ADGRB3: variants seen among roughly 807,000 people sequenced by gnomAD.
ADGRB3 encodes the protein adhesion G protein-coupled receptor B3.
In ADGRB3, 37 loss-of-function variants were observed where a neutral mutation model predicts 193.4. That is an observed-to-expected ratio of 0.19 (90% CI 0.15 to 0.25). The LOEUF is 0.25. Ranked by LOEUF, ADGRB3 falls within the 10% of genes least tolerant of loss-of-function variation. The probability of loss-of-function intolerance (pLI) is 1.00; values close to 1 mark genes in which losing one functional copy is unlikely to be tolerated. For missense variants in ADGRB3, 1,637 were observed against 1,852.9 expected (o/e 0.88, Z 2.14); for synonymous variants, 690 against 644.2 (o/e 1.07, Z -1.08).
At chr6:68,671,774 C>A (rs976571850) in intron 3 of ADGRB3, among the ~76,000 whole-genome samples, 1 of 152,050 alleles carries the variant, frequency 6.6e-6, no homozygotes. Flanking sequence ...GTAATACTGG[C>A]CACATAGAAT....
At chr6:68,686,521 T>C (rs1231333534) in intron 3 of ADGRB3, among the ~76,000 whole-genome samples, 2 of 152,208 alleles carry the variant, frequency 1.3e-5, no homozygotes, top group Non-Finnish European at 2.9e-5. Flanking sequence ...ATCCTGATCC[T>C]ACTTGTTTAA....
chr6:69,174,632 G>A (rs923401737), intron 17 of ADGRB3, among the ~76,000 whole-genome samples: 1 of 152,172 alleles, frequency 6.6e-6, no homozygotes, highest in African/African-American at 2.4e-5. Flanking sequence ...GGATTGCTGG[G>A]TCAGATGATT....
intron 15 of ADGRB3, among the ~76,000 whole-genome samples, chr6:69,052,361 A>T (rs1771424011): frequency 6.6e-6 from 1 of 152,224 alleles, no homozygotes; most frequent in Admixed American, 6.5e-5. Flanking sequence ...AGATCTTCTT[A>T]TTCAACATAA....
intron 3 of ADGRB3, among the ~76,000 whole-genome samples, chr6:68,710,069 G>C (rs1582138906): frequency 6.6e-6 from 1 of 152,170 alleles, no homozygotes; most frequent in African/African-American, 2.4e-5. Context: ...GAGCTAGTCT[G>C]TGGACAGCAA....
Position 68,890,471 on chromosome 6 carries a change from T to G in ADGRB3, c.758-40088T>G, listed in dbSNP as rs180988483. 3.9e-4 allele frequency among the ~76,000 whole-genome samples: 59 copies of G among 152,340 alleles called. 1 individual carries two copies. Among genetic ancestry groups the G allele is most frequent in the Admixed American group, 3.2e-3 (49 of 15,308 alleles). On this transcript the variant is annotated intron_variant, in intron 3 of 31. Coordinates refer to ENST00000370598, the MANE Select transcript of ADGRB3 (RefSeq NM_001704.3). ...GCAATCTTTAGAAAGATGTTACACT[T>G]ATTTTGATATCCAGATAAATCAAGA...
rs556871663 is a variant in ADGRB3 at position 69,262,835 on chromosome 6, T to C, written c.2814+23609T>C. 2.0e-5 allele frequency among the ~76,000 whole-genome samples: 3 copies of C among 151,782 alleles called. No individual in the cohort carries two copies. In the South Asian group the frequency reaches 6.2e-4, roughly 31 times the overall value. ...GTATGTATGTGTCATAAAAAAAAAA[T>C]ATTATAGATAGGGTTTGGTAGTATC... On this transcript the variant is annotated intron_variant, in intron 20 of 31. Transcript: ENST00000370598.
At position 69,233,350 on chromosome 6, in the gene ADGRB3, C is replaced by T; in HGVS notation, c.2541C>T (p.Ser847=). 2 of 1,613,984 alleles carry T rather than the reference C, an allele frequency of 1.2e-6. No individual in the cohort carries two copies. Among genetic ancestry groups the T allele is most frequent in the Non-Finnish European group, 1.7e-6 (2 of 1,179,954 alleles). ...QGCKTVLTDA[S]HTKCLCDRLS... is the part of the protein sequence containing the mutation. The stretch of plus-strand genomic sequence containing the variant: ...GTAAAACTGTGCTTACCGATGCATC[C>T]CATACGAAATGCTTATGTGATCGTC... Residue 847 remains serine, a synonymous_variant, in exon 18 of 32, where the codon TCC becomes TCT. Coordinates refer to ENST00000370598, the MANE Select transcript of ADGRB3 (RefSeq NM_001704.3).
At position 69,388,999 on chromosome 6, in the gene ADGRB3, C is replaced by A. The variant is rs1369992637; in HGVS notation, c.*108C>A. On this transcript the variant is annotated 3_prime_UTR_variant, in exon 32 of 32. Transcript: ENST00000370598. ...ACAGTGTGACTATCTTATGTCAGGACCTTCATGTGCCAAACGTCAGTGGTG... is the reference window on the plus strand; with the variant it reads ...ACAGTGTGACTATCTTATGTCAGGAACTTCATGTGCCAAACGTCAGTGGTG... The A allele has an allele frequency of 2.7e-6, 3 of 1,104,512 alleles. No individual in the cohort carries two copies. Among genetic ancestry groups the A allele is most frequent in the African/African-American group, 1.6e-5 (1 of 62,904 alleles). The allele number at this position is 1,104,512 out of a possible 1,614,324, so 68.4% of individuals were successfully genotyped here. A position where few individuals can be genotyped will look rare whatever the true frequency, so the allele number is the denominator to read the frequency against.
At chr6:68,856,765 G>T (rs1764997043) in intron 3 of ADGRB3, among the ~76,000 whole-genome samples, 1 of 152,218 alleles carries the variant, frequency 6.6e-6, no homozygotes, top group Non-Finnish European at 1.5e-5. Flanking sequence ...AAGTAATGAG[G>T]AGCTGAATGT....
chr6:68,942,867 T>G (rs1391119563), intron 5 of ADGRB3, among the ~76,000 whole-genome samples: 1 of 152,184 alleles, frequency 6.6e-6, no homozygotes, highest in African/African-American at 2.4e-5. Context: ...CATCTTGGCC[T>G]CTGAAAGCAC....
intron 11 of ADGRB3, among the ~76,000 whole-genome samples, chr6:68,997,306 A>G (rs1295381945): frequency 2.0e-5 from 3 of 152,056 alleles, no homozygotes; most frequent in Non-Finnish European, 4.4e-5. Context: ...TAAACCATGA[A>G]GACCTTGAAA....
chr6:69,204,006 T>G (rs1765486215), intron 17 of ADGRB3, among the ~76,000 whole-genome samples: 1 of 152,144 alleles, frequency 6.6e-6, no homozygotes, highest in Non-Finnish European at 1.5e-5. Flanking sequence ...AGCTAGCATT[T>G]TTTTTTTAAC....
chr6:69,309,855 C>A (rs779292920), intron 20 of ADGRB3, among the ~76,000 whole-genome samples: 2 of 151,644 alleles, frequency 1.3e-5, no homozygotes, highest in Non-Finnish European at 3.0e-5. Context: ...GATAAGTAGG[C>A]AAGGCTGGAG....
chr6:68,776,121 C>A (rs1475356151), intron 3 of ADGRB3, among the ~76,000 whole-genome samples: 1 of 152,086 alleles, frequency 6.6e-6, no homozygotes, highest in Non-Finnish European at 1.5e-5. Flanking sequence ...TCTGCAACAG[C>A]TTCTGCTTAT....
intron 11 of ADGRB3, 48 bp from the exon 12 acceptor site, chr6:69,013,990 A>G (rs182415878): frequency 2.3e-6 from 3 of 1,322,188 alleles, no homozygotes; most frequent in Admixed American, 4.2e-5. Context: ...ATTAAAAAGT[A>G]TAATTCTCTC....
chr6:68,880,304 C>G (rs1314287145), intron 3 of ADGRB3, among the ~76,000 whole-genome samples: 1 of 152,194 alleles, frequency 6.6e-6, no homozygotes, highest in Non-Finnish European at 1.5e-5. Context: ...TGCAGTGTTA[C>G]AGATGGCCTA....
At chr6:68,772,027 AGTT>A (rs1489478722) in intron 3 of ADGRB3, among the ~76,000 whole-genome samples, 1 of 152,136 alleles carries the variant, frequency 6.6e-6, no homozygotes, top group Non-Finnish European at 1.5e-5. Context: ...TTTGAGGAGA[AGTT>A]GTACTTTAAC....
chr6:68,822,124 T>A (rs1767758665), intron 3 of ADGRB3, among the ~76,000 whole-genome samples: 1 of 151,894 alleles, frequency 6.6e-6, no homozygotes, highest in Non-Finnish European at 1.5e-5. Flanking sequence ...TCCTCCTAGA[T>A]ATGTATGTGC....
chr6:68,863,490 T>C (rs2150215779), intron 3 of ADGRB3, among the ~76,000 whole-genome samples: 1 of 152,148 alleles, frequency 6.6e-6, no homozygotes, highest in South Asian at 2.1e-4. Context: ...AAATAATTTA[T>C]TAAAATATCA....
Sources: gnomAD v4.1 joint callset for allele counts (sites outside exome capture counted in the v4.1 genomes callset) on GRCh38, gnomAD v4.1.1 for gene constraint, MANE v1.5 for transcripts, NCBI Gene and HGNC (gene_info 2026-07-23, HGNC 2026-07-21) for gene names.